The following SHLD1 variants were observed in gnomAD, a reference collection of about 807,000 sequenced individuals.
The protein encoded by SHLD1 is shieldin complex subunit 1, also known as RINN1-REV7-interacting novel NHEJ regulator 3.
SHLD1 carries 3 observed loss-of-function variants against 5.5 expected under a neutral mutation model. That is an observed-to-expected ratio of 0.54 (90% CI 0.25 to 1.40). SHLD1 has a LOEUF of 1.40. Ranked by LOEUF, SHLD1 falls within the 40% of genes most tolerant of loss-of-function variation. The pLI, the probability that SHLD1 is intolerant of heterozygous loss-of-function variation, is 0.15. For missense variants in SHLD1, 210 were observed against 244.4 expected, an observed-to-expected ratio of 0.86 and a Z score of 0.94; for synonymous variants, 92 against 94.3, an observed-to-expected ratio of 0.98 and a Z score of 0.14.
chr20:5,776,172 C>T (rs188464138), intron 2 of SHLD1, among the ~76,000 whole-genome samples: 1 of 152,016 alleles, frequency 6.6e-6, no homozygotes, highest in African/African-American at 2.4e-5. Context: ...AGTGATCCAC[C>T]CGCTGTGGTC....
At chr20:5,754,382 A>C (rs994027749) in intron 1 of SHLD1, among the ~76,000 whole-genome samples, 1 of 152,112 alleles carries the variant, frequency 6.6e-6, no homozygotes, top group Non-Finnish European at 1.5e-5. Flanking sequence ...AAGTGCTGGG[A>C]CTACAGGTGT....
rs758478930 is a variant in SHLD1 at position 5,772,855 on chromosome 20, A to G, written c.-4-7A>G. The G allele has an allele frequency of 2.5e-6, 4 of 1,598,468 alleles. No individual in the cohort carries two copies. Among genetic ancestry groups the G allele is most frequent in the South Asian group, 1.1e-5 (1 of 89,718 alleles). On this transcript the variant is annotated splice_polypyrimidine_tract_variant and splice_region_variant and intron_variant, in intron 1 of 2. Coordinates refer to ENST00000303142, the MANE Select transcript of SHLD1 (RefSeq NM_152504.4). Reference sequence around the variant, plus strand: ...TGTACTGAATTGTTTTCTTTTTTCCATGGCAGGACTATGGCAGCCAGGGAC... The same window carrying G: ...TGTACTGAATTGTTTTCTTTTTTCCGTGGCAGGACTATGGCAGCCAGGGAC...
intron 1 of SHLD1, among the ~76,000 whole-genome samples, chr20:5,752,002 G>C (rs1336195986): frequency 5.9e-5 from 9 of 152,174 alleles, no homozygotes; most frequent in African/African-American, 2.2e-4. Flanking sequence ...CAGTAGAAAA[G>C]AATGCTTGAA....
intron 1 of SHLD1, among the ~76,000 whole-genome samples, chr20:5,753,873 G>A (rs954131850): frequency 1.3e-5 from 2 of 152,054 alleles, no homozygotes; most frequent in Non-Finnish European, 2.9e-5. Context: ...AGATCCGTTC[G>A]GAACCCCCCT....
intron 2 of SHLD1, among the ~76,000 whole-genome samples, chr20:5,816,089 GAA>G (rs141881349): frequency 3.7e-4 from 32 of 86,312 alleles, no homozygotes; most frequent in Admixed American, 1.4e-3. Flanking sequence ...TCAAAAAAAC[GAA>G]AAAAAAAAAA....
intron 2 of SHLD1, among the ~76,000 whole-genome samples, chr20:5,823,248 T>C (rs2087628423): frequency 6.6e-6 from 1 of 151,940 alleles, no homozygotes; most frequent in Non-Finnish European, 1.5e-5. Flanking sequence ...TTCAAGGCAC[T>C]TCTTACTGAC....
intron 2 of SHLD1, among the ~76,000 whole-genome samples, chr20:5,795,517 T>TGAACCCA (rs2087198889): frequency 6.8e-6 from 1 of 146,510 alleles, no homozygotes; most frequent in Non-Finnish European, 1.5e-5. Flanking sequence ...GAGAATTGCT[T>TGAACCCA]GAACCCGGGA....
chr20:5,809,842 C>G (rs998929912), intron 2 of SHLD1, among the ~76,000 whole-genome samples: 1 of 152,078 alleles, frequency 6.6e-6, no homozygotes, highest in Non-Finnish European at 1.5e-5. Context: ...AAAGAATTAT[C>G]TAGCCCGATA....
At chr20:5,760,460 A>C (rs1484648603) in intron 1 of SHLD1, among the ~76,000 whole-genome samples, 1 of 152,094 alleles carries the variant, frequency 6.6e-6, no homozygotes, top group East Asian at 1.9e-4. Context: ...TGGGAGGCTG[A>C]GACGGGTGGA....
chr20:5,809,025 C>T (rs1191519722), intron 2 of SHLD1, among the ~76,000 whole-genome samples: 1 of 151,570 alleles, frequency 6.6e-6, no homozygotes, highest in Non-Finnish European at 1.5e-5. Context: ...GTGGCAGATA[C>T]AGAGTTGTGG....
rs1031610393 is a variant in SHLD1, at chr20:5,816,930, G to T, written c.178+43887G>T. Among the ~76,000 whole-genome samples the T allele has an allele frequency of 1.8e-4, 27 of 152,104 alleles. No individual in the cohort carries two copies. In the South Asian group the frequency reaches 1.9e-3, roughly 11 times the overall value. On this transcript the variant is annotated intron_variant, in intron 2 of 2. Coordinates refer to ENST00000303142, the MANE Select transcript of SHLD1 (RefSeq NM_152504.4). ...AAAAAATACCAATAAATAGCTGGGC[G>T]TGGTGGTGCCTGCCTGTAGCCCCAG...
chr20:5,859,303 T>C (rs929976980), intron 2 of SHLD1, among the ~76,000 whole-genome samples: 6 of 152,148 alleles, frequency 3.9e-5, no homozygotes, highest in East Asian at 1.9e-4. Context: ...GGGGACATTA[T>C]TGGTATTTGG....
Position 5,772,999 on chromosome 20 carries a change from C to G in SHLD1, c.134C>G (p.Ser45Cys). ...GAAGCCAACAGCGAGGCTTTCAGTT[C>G]TTTGGAATTCCATTCTTTTCCTTAT... ...SQEANSEAFS[S>C]LEFHSFPYSS... Residue 45 changes from serine (S) to cysteine (C), a missense_variant, in exon 2 of 3, where the codon TCT becomes TGT. Coordinates refer to ENST00000303142, the MANE Select transcript of SHLD1 (RefSeq NM_152504.4). 6.2e-7 allele frequency: 1 copy of G among 1,614,194 alleles called. No homozygotes were observed.
At chr20:5,758,158 G>A (rs932123778) in intron 1 of SHLD1, among the ~76,000 whole-genome samples, 1 of 151,604 alleles carries the variant, frequency 6.6e-6, no homozygotes, top group African/African-American at 2.4e-5. Flanking sequence ...AAGGACAAGT[G>A]CAGTGGGAGG....
At chr20:5,781,775 G>A (rs903403900) in intron 2 of SHLD1, among the ~76,000 whole-genome samples, 21 of 152,146 alleles carry the variant, frequency 1.4e-4, no homozygotes, top group Middle Eastern at 6.3e-3. Context: ...TACCACACCC[G>A]GCCAATCTTA....
At chr20:5,859,599 A>G (rs941052964) in intron 2 of SHLD1, among the ~76,000 whole-genome samples, 6 of 152,352 alleles carry the variant, frequency 3.9e-5, no homozygotes, top group African/African-American at 1.4e-4. Flanking sequence ...AAAAGCAATT[A>G]GCTACATTTG....
At chr20:5,797,501 G>A (rs2087230221) in intron 2 of SHLD1, among the ~76,000 whole-genome samples, 1 of 152,146 alleles carries the variant, frequency 6.6e-6, no homozygotes, top group East Asian at 1.9e-4. Flanking sequence ...GGTCAAGGCT[G>A]CAAGTGAGCT....
At chr20:5,750,914 T>C (rs1983712144) in intron 1 of SHLD1, among the ~76,000 whole-genome samples, 2 of 152,100 alleles carry the variant, frequency 1.3e-5, no homozygotes, top group African/African-American at 2.4e-5. Flanking sequence ...GGAGAATCGC[T>C]TGTGCCCCGG....
chr20:5,835,194 G>T (rs913339768), intron 2 of SHLD1, among the ~76,000 whole-genome samples: 4 of 152,164 alleles, frequency 2.6e-5, no homozygotes, highest in African/African-American at 7.2e-5. Flanking sequence ...GGTTGAGCTG[G>T]GAACAGACAC....
Sources: gnomAD v4.1 joint callset for allele counts (sites outside exome capture counted in the v4.1 genomes callset) on GRCh38, gnomAD v4.1.1 for gene constraint, MANE v1.5 for transcripts, NCBI Gene and HGNC (gene_info 2026-07-23, HGNC 2026-07-21) for gene names.